Variants in CBR4 observed in about 807,000 individuals in gnomAD.
CBR4 encodes the protein carbonyl reductase 4.
In CBR4, 22 loss-of-function variants were observed where a neutral mutation model predicts 21.0. The ratio of observed to expected loss-of-function variants is 1.05; its 90% CI spans 0.75 to 1.50. CBR4 has a LOEUF of 1.50. Among genes scored for constraint, CBR4 ranks in the 40% most tolerant of loss-of-function variants. The pLI, the probability that CBR4 is intolerant of heterozygous loss-of-function variation, is 0.00. For missense variants in CBR4, 302 were observed against 286.3 expected, an observed-to-expected ratio of 1.05 and a Z score of -0.40; for synonymous variants, 100 against 104.4, an observed-to-expected ratio of 0.96 and a Z score of 0.26.
chr4:168,988,235 G>A lies in CBR4; in HGVS notation c.*1915C>T. Reference sequence around the variant, plus strand: ...TGAAGGTTTATTTTACCTCTTTCAAGATCTCTCCATATATTCCACCAGTTT... The same window carrying A: ...TGAAGGTTTATTTTACCTCTTTCAAAATCTCTCCATATATTCCACCAGTTT... On this transcript the variant is annotated 3_prime_UTR_variant, in exon 5 of 5. Transcript: ENST00000306193. 1.2e-5 allele frequency: 12 copies of A among 985,440 alleles called. No homozygotes were observed. The highest frequency in any genetic ancestry group is 1.4e-5 in the Non-Finnish European group (12 of 829,920). The allele number at this position is 985,440 out of a possible 1,614,324, so 61.0% of individuals were successfully genotyped here.
At chr4:168,925,465 A>G (rs568057214) in intron 2 of CBR4, 9 of 615,946 alleles carry the variant, frequency 1.5e-5, no homozygotes, top group East Asian at 8.5e-5. Context: ...ATTTCTTCCT[A>G]TATTCTATCG....
At chr4:168,966,962 T>A (rs1764058766) in intron 2 of CBR4, among the ~76,000 whole-genome samples, 1 of 149,658 alleles carries the variant, frequency 6.7e-6, no homozygotes, top group South Asian at 2.1e-4. Context: ...TTGCAGCGAG[T>A]CCAGATTGCG....
At chr4:168,912,699 C>G (rs1203758592) in intron 2 of CBR4, among the ~76,000 whole-genome samples, 2 of 152,152 alleles carry the variant, frequency 1.3e-5, no homozygotes, top group African/African-American at 4.8e-5. Context: ...ATTAGCATAT[C>G]TGTCACCTCA....
intron 2 of CBR4, among the ~76,000 whole-genome samples, chr4:168,897,054 C>A (rs531467692): frequency 6.6e-6 from 1 of 152,300 alleles, no homozygotes; most frequent in South Asian, 2.1e-4. Flanking sequence ...TGGTCTCGAA[C>A]TTCTGACCTC....
intron 2 of CBR4, among the ~76,000 whole-genome samples, chr4:168,918,808 TAAA>T (rs1189247180): frequency 6.6e-6 from 1 of 152,144 alleles, no homozygotes; most frequent in African/African-American, 2.4e-5. Flanking sequence ...AAAAAACACT[TAAA>T]AAAATTCATA....
intron 2 of CBR4, among the ~76,000 whole-genome samples, chr4:168,947,825 T>C (rs1006216617): frequency 7.2e-5 from 11 of 152,340 alleles, no homozygotes; most frequent in African/African-American, 2.2e-4. Context: ...TTGTGAATTA[T>C]GCTGCTATAA....
chr4:169,001,620 A>C (rs1730447708), intron 4 of CBR4: 2 of 152,392 alleles, frequency 1.3e-5, no homozygotes, highest in Middle Eastern at 3.4e-3. Context: ...ATGGTAAATA[A>C]TGAGTTCTCA....
At chr4:168,919,416 T>C (rs1477922659) in intron 2 of CBR4, among the ~76,000 whole-genome samples, 1 of 151,578 alleles carries the variant, frequency 6.6e-6, no homozygotes, top group African/African-American at 2.4e-5. Context: ...TCCCAGCTAC[T>C]CAGGAGGCTG....
intron 2 of CBR4, among the ~76,000 whole-genome samples, chr4:168,978,669 T>G (rs1764447617): frequency 6.6e-6 from 1 of 152,124 alleles, no homozygotes; most frequent in South Asian, 2.1e-4. Context: ...AGTGTGCCAC[T>G]CAGGCACAAA....
intron 2 of CBR4, among the ~76,000 whole-genome samples, chr4:168,911,812 T>C (rs1759016712): frequency 6.6e-6 from 1 of 152,198 alleles, no homozygotes. Flanking sequence ...CATGTCTCCT[T>C]GGAAATTTTC....
intron 2 of CBR4, chr4:168,896,498 T>G: frequency 2.9e-6 from 3 of 1,026,460 alleles, no homozygotes; most frequent in Non-Finnish European, 4.4e-6. Context: ...TCTTGCTGCA[T>G]TCTTATTATT....
At chr4:168,944,001 ACT>A (rs1424287555) in intron 2 of CBR4, among the ~76,000 whole-genome samples, 3 of 152,256 alleles carry the variant, frequency 2.0e-5, no homozygotes, top group East Asian at 3.9e-4. Context: ...GAACAGGGAG[ACT>A]CTACAAGATT....
At chr4:168,904,375 G>T (rs1757179663) in intron 2 of CBR4, 1 of 161,476 alleles carries the variant, frequency 6.2e-6, no homozygotes, top group African/African-American at 2.4e-5. Flanking sequence ...GTAGACAAAT[G>T]ATAATTTTGA....
At chr4:168,921,955 G>T (rs1761599628) in intron 2 of CBR4, among the ~76,000 whole-genome samples, 1 of 152,042 alleles carries the variant, frequency 6.6e-6, no homozygotes, top group Admixed American at 6.6e-5. Flanking sequence ...GAGAGAAAAA[G>T]ATTTTATTAG....
downstream of CBR4, among the ~76,000 whole-genome samples, chr4:168,984,119 T>C (rs937765410): frequency 2.0e-5 from 3 of 152,062 alleles, no homozygotes; most frequent in Non-Finnish European, 4.4e-5. Flanking sequence ...AGTAAAATGA[T>C]CTCTCTTTAC....
At chr4:168,905,822 C>T (rs907626508) in intron 2 of CBR4, among the ~76,000 whole-genome samples, 25 of 105,316 alleles carry the variant, frequency 2.4e-4, no homozygotes, top group African/African-American at 3.8e-4. Flanking sequence ...TTTTTTGAGA[C>T]GGAATCTTGC....
intron 2 of CBR4, among the ~76,000 whole-genome samples, chr4:168,949,026 C>T (rs902415910): frequency 2.0e-5 from 3 of 152,154 alleles, no homozygotes; most frequent in African/African-American, 7.2e-5. Flanking sequence ...TTGTTCGTGT[C>T]ATCTGTGATT....
intron 2 of CBR4, chr4:168,898,676 A>G: frequency 6.2e-7 from 1 of 1,614,100 alleles, no homozygotes; most frequent in South Asian, 1.1e-5. Context: ...AATGCCAGTA[A>G]CTTTCACATG....
chr4:168,997,854 G>A (rs1452206803), intron 4 of CBR4, among the ~76,000 whole-genome samples: 1 of 151,988 alleles, frequency 6.6e-6, no homozygotes, highest in Non-Finnish European at 1.5e-5. Context: ...TAAGTTTCTA[G>A]GACTCAAAAA....
Sources: allele counts gnomAD v4.1 joint callset (sites outside exome capture counted in the v4.1 genomes callset), GRCh38; gene constraint gnomAD v4.1.1; transcripts MANE v1.5; gene names NCBI Gene and HGNC (gene_info 2026-07-23, HGNC 2026-07-21).